The following INPP5D variants were observed in gnomAD, a reference collection of about 807,000 sequenced individuals.
INPP5D encodes inositol polyphosphate-5-phosphatase D.
Under a neutral mutation model 122.9 loss-of-function variants are expected in INPP5D, and 33 were observed. The observed-to-expected ratio is 0.27, with a 90% CI of 0.20 to 0.36. INPP5D has a LOEUF of 0.36. INPP5D is among the 10% of genes least tolerant of loss of function. INPP5D has a pLI of 1.00. For synonymous variants in INPP5D, 584 were observed against 576.2 expected, an observed-to-expected ratio of 1.01 and a Z score of -0.19; for missense variants, 1,053 against 1,412.7, an observed-to-expected ratio of 0.75 and a Z score of 4.08.
Position 233,182,493 on chromosome 2 carries a change from A to C in INPP5D, c.2155A>C (p.Lys719Gln). The C allele has an allele frequency of 6.2e-7, 1 of 1,613,418 alleles. No homozygotes were observed. The highest frequency in any genetic ancestry group is 8.5e-7 in the Non-Finnish European group (1 of 1,179,494). The change falls in exon 19 of 27, where the codon AAG becomes CAG. Residue 719 changes from lysine to glutamine, a missense_variant. Transcript: ENST00000445964. ...AGGAGTCACTTCCCAGTTTGTCTCC[A>C]AGAACGGTAAGCAAAGGATGGTGTC... is the stretch of plus-strand genomic sequence containing the variant. ...EAGVTSQFVS[K>Q]NGPGTVDSQG... is the part of the protein sequence containing the mutation.
At chr2:233,196,983 T>G (rs1056074532) in intron 24 of INPP5D, among the ~76,000 whole-genome samples, 3 of 152,224 alleles carry the variant, frequency 2.0e-5, no homozygotes, top group Non-Finnish European at 2.9e-5. Flanking sequence ...CATCAGCAAA[T>G]GCATCCTGGC....
chr2:233,177,413 GC>G lies in INPP5D; in HGVS notation c.2071+70del. On this transcript the variant is annotated intron_variant, in intron 18 of 26. Transcript: ENST00000445964. The surrounding 1 kb of genome is among the most constrained non-coding windows in gnomAD (Gnocchi z 4.2). ...TGGCACCAAGCTGGGAGGTGTGACT[GC>G]CCTAAAATCTAAGGGCTTCAGTCTG... 1 of 1,610,592 alleles carries G rather than the reference GC, an allele frequency of 6.2e-7. No homozygotes were observed. Among genetic ancestry groups the G allele is most frequent in the Admixed American group, 1.7e-5 (1 of 59,888 alleles).
At chr2:233,065,211 G>A (rs1223452033) in intron 1 of INPP5D, among the ~76,000 whole-genome samples, 1 of 152,074 alleles carries the variant, frequency 6.6e-6, no homozygotes, top group Non-Finnish European at 1.5e-5. Context: ...AAGTCCTTTC[G>A]GGTCCAGAGA....
At chr2:233,080,371 G>A (rs1691644889) in intron 2 of INPP5D, among the ~76,000 whole-genome samples, 1 of 152,070 alleles carries the variant, frequency 6.6e-6, no homozygotes, top group African/African-American at 2.4e-5. Flanking sequence ...TTGTTATCTG[G>A]CTACATGAAG....
chr2:233,137,483 G>T (rs1246805828), intron 5 of INPP5D, among the ~76,000 whole-genome samples: 2 of 143,286 alleles, frequency 1.4e-5, no homozygotes, highest in African/African-American at 2.6e-5. Flanking sequence ...AGATGGTGGC[G>T]TCTCCCTCTG....
intron 17 of INPP5D, among the ~76,000 whole-genome samples, chr2:233,175,542 G>A (rs954595903): frequency 6.6e-5 from 10 of 152,140 alleles, no homozygotes; most frequent in African/African-American, 2.4e-4. Context: ...TCTTGCTCTG[G>A]GTAGTGGGTA....
chr2:233,144,619 G>A (rs1359237977), intron 6 of INPP5D, among the ~76,000 whole-genome samples: 1 of 117,874 alleles, frequency 8.5e-6, no homozygotes, highest in Admixed American at 8.6e-5. Flanking sequence ...TGATGGTGAT[G>A]GTGGAGGTGG....
At chr2:233,158,838 G>A (rs1053388617) in intron 10 of INPP5D, among the ~76,000 whole-genome samples, 1 of 152,166 alleles carries the variant, frequency 6.6e-6, no homozygotes, top group Non-Finnish European at 1.5e-5. Context: ...TAGTGCAGTG[G>A]CGTGATCACA....
chr2:233,176,730 G>A (rs1694650485), intron 17 of INPP5D, among the ~76,000 whole-genome samples: 1 of 149,848 alleles, frequency 6.7e-6, no homozygotes, highest in African/African-American at 2.5e-5. Flanking sequence ...GTAGTTGGAT[G>A]GATGGGTGGA....
At chr2:233,098,356 G>A (rs561633161) in intron 2 of INPP5D, among the ~76,000 whole-genome samples, 71 of 152,304 alleles carry the variant, frequency 4.7e-4, no homozygotes, top group East Asian at 5.8e-4. Flanking sequence ...AGCCAGTGGT[G>A]AGCCACAGGG....
At chr2:233,124,751 T>TCCC (rs2106258618) in intron 3 of INPP5D, among the ~76,000 whole-genome samples, 1 of 152,376 alleles carries the variant, frequency 6.6e-6, no homozygotes, top group East Asian at 1.9e-4. Flanking sequence ...TGGAGGAAGA[T>TCCC]CCCGACAAGT....
intron 9 of INPP5D, among the ~76,000 whole-genome samples, chr2:233,149,936 C>T (rs376863014): frequency 9.9e-5 from 15 of 152,136 alleles, no homozygotes; most frequent in African/African-American, 3.1e-4. Context: ...CCAGGGTAGC[C>T]GTGAGGGAGG....
At chr2:233,196,455 G>A (rs1371862652) in intron 24 of INPP5D, among the ~76,000 whole-genome samples, 10 of 152,186 alleles carry the variant, frequency 6.6e-5, no homozygotes, top group East Asian at 3.8e-4. Context: ...AAGTGACTGC[G>A]GAGAGAATGG....
chr2:233,138,546 AAG>A (rs1238806870), intron 5 of INPP5D, among the ~76,000 whole-genome samples: 2 of 152,216 alleles, frequency 1.3e-5, no homozygotes, highest in South Asian at 2.1e-4. Flanking sequence ...TGTCCCTTAA[AAG>A]AGAGAGAAAG....
At chr2:233,081,000 G>A (rs946368103) in intron 2 of INPP5D, among the ~76,000 whole-genome samples, 3 of 152,178 alleles carry the variant, frequency 2.0e-5, no homozygotes, top group East Asian at 1.9e-4. Flanking sequence ...CATTGCTGCC[G>A]GCTGCCTCAT....
At position 233,170,397 on chromosome 2, in the gene INPP5D, C is replaced by T. The variant is rs1429379923; in HGVS notation, c.1792-99C>T. The T allele has an allele frequency of 7.8e-6, 12 of 1,547,738 alleles. No individual in the cohort carries two copies. The highest frequency in any genetic ancestry group is 4.4e-4 in the Middle Eastern group (2 of 4,576). On this transcript the variant is annotated intron_variant, in intron 15 of 26. Coordinates refer to ENST00000445964, the MANE Select transcript of INPP5D (RefSeq NM_001017915.3). This position sits in a 1 kb window ranked among gnomAD's most constrained non-coding sequence, Gnocchi z 4.5. ...CAGCCACCCTGCCACCATCACTCTG[C>T]AGCCCGGGTCATCCAGCTGCCCGCC...
At chr2:233,196,240 T>A (rs944370535) in intron 24 of INPP5D, among the ~76,000 whole-genome samples, 5 of 151,906 alleles carry the variant, frequency 3.3e-5, no homozygotes, top group African/African-American at 1.2e-4. Flanking sequence ...CCAGGAGAGG[T>A]GCTCTCCTGC....
chr2:233,159,881 G>A (rs1694159105), intron 10 of INPP5D, among the ~76,000 whole-genome samples: 1 of 152,048 alleles, frequency 6.6e-6, no homozygotes, highest in Non-Finnish European at 1.5e-5. Context: ...AGCATCAGGG[G>A]TGGGCTGGTG....
intron 23 of INPP5D, among the ~76,000 whole-genome samples, chr2:233,195,038 C>T (rs1695147173): frequency 6.6e-6 from 1 of 152,232 alleles, no homozygotes; most frequent in African/African-American, 2.4e-5. Flanking sequence ...TCAAGTGACA[C>T]ACCTGCCTCG....
Sources: gnomAD v4.1 joint callset for allele counts (sites outside exome capture counted in the v4.1 genomes callset) on GRCh38, gnomAD v4.1.1 for gene constraint, Gnocchi (gnomAD v3.1) non-coding constraint, MANE v1.5 for transcripts, NCBI Gene and HGNC (gene_info 2026-07-23, HGNC 2026-07-21) for gene names.